The following FRY variants were observed in gnomAD, a reference collection of about 807,000 sequenced individuals.
FRY encodes the protein FRY microtubule binding protein, also known as protein furry homolog.
FRY carries 128 observed loss-of-function variants against 348.4 expected under a neutral mutation model. The ratio of observed to expected loss-of-function variants is 0.37; its 90% CI spans 0.32 to 0.43. The LOEUF is 0.43. FRY is among the 20% of genes least tolerant of loss of function. FRY has a pLI of 1.00. For missense variants in FRY, 2,736 were observed against 3,695.2 expected, an observed-to-expected ratio of 0.74 and a Z score of 6.73; for synonymous variants, 1,370 against 1,374.7, an observed-to-expected ratio of 1.00 and a Z score of 0.08.
At chr13:32,080,657 CAGGG>C (rs1875420498) in intron 2 of FRY, among the ~76,000 whole-genome samples, 1 of 152,216 alleles carries the variant, frequency 6.6e-6, no homozygotes, top group Admixed American at 6.5e-5. Flanking sequence ...TTGCCCAGAA[CAGGG>C]CTGACCCTTG....
At chr13:32,188,030 T>C (rs936706814) in intron 28 of FRY, among the ~76,000 whole-genome samples, 7 of 152,132 alleles carry the variant, frequency 4.6e-5, no homozygotes. Context: ...CTGGAAAATA[T>C]TTTTAACTGA....
chr13:32,269,594 A>C (rs1888106874), intron 55 of FRY, among the ~76,000 whole-genome samples: 1 of 152,136 alleles, frequency 6.6e-6, no homozygotes. Context: ...CGGGAGGCTG[A>C]GGCAGGAGAA....
chr13:32,258,965 G>A (rs1887481555), intron 51 of FRY, among the ~76,000 whole-genome samples: 1 of 151,886 alleles, frequency 6.6e-6, no homozygotes, highest in African/African-American at 2.4e-5. Context: ...GTTCCAATAT[G>A]AAAAAAAGTG....
intron 23 of FRY, 137 bp downstream of exon 23, chr13:32,179,936 C>T (rs1048199417): frequency 7.2e-6 from 6 of 830,928 alleles, no homozygotes; most frequent in Admixed American, 3.6e-5. Flanking sequence ...CCCACTACAT[C>T]GTCTTGGTTG....
intron 35 of FRY, among the ~76,000 whole-genome samples, chr13:32,215,965 C>T (rs1884968583): frequency 6.6e-6 from 1 of 152,172 alleles, no homozygotes; most frequent in Non-Finnish European, 1.5e-5. Context: ...TAGTAAACCT[C>T]ACCTGTATAA....
intron 50 of FRY, among the ~76,000 whole-genome samples, chr13:32,253,078 T>G (rs1887164956): frequency 6.6e-6 from 1 of 152,212 alleles, no homozygotes; most frequent in Non-Finnish European, 1.5e-5. Flanking sequence ...TGCTAAGGCC[T>G]TTTCAGCTAA....
chr13:32,088,515 C>A (rs948458341), intron 2 of FRY, among the ~76,000 whole-genome samples: 1 of 152,164 alleles, frequency 6.6e-6, no homozygotes, highest in African/African-American at 2.4e-5. Context: ...TAAAAAGATT[C>A]AATTTAACTG....
chr13:32,083,815 C>G (rs778920213), intron 2 of FRY, among the ~76,000 whole-genome samples: 9 of 152,044 alleles, frequency 5.9e-5, no homozygotes, highest in Non-Finnish European at 1.2e-4. Context: ...TTTCTCTAGT[C>G]CATTGTTTAG....
At position 32,171,246 on chromosome 13, in the gene FRY, A is replaced by G; in HGVS notation, c.2127A>G (p.Gln709=). 6.2e-7 allele frequency: 1 copy of G among 1,613,264 alleles called. No homozygotes were observed. The highest frequency in any genetic ancestry group is 8.5e-7 in the Non-Finnish European group (1 of 1,179,702). Residue 709 remains glutamine (Q), a synonymous_variant, in exon 18 of 61, where the codon CAA becomes CAG. Coordinates refer to ENST00000542859, the MANE Select transcript of FRY (RefSeq NM_023037.3). ...VIQTQGKVYE[Q]ANKIRNSELI... ...AGACACAAGGAAAAGTCTATGAACA[A>G]GCCAACAAAATCAGAAATTCAGAGG...
chr13:32,236,920 G>GAA (rs1462780889), intron 43 of FRY, among the ~76,000 whole-genome samples: 2 of 152,048 alleles, frequency 1.3e-5, no homozygotes, highest in African/African-American at 2.4e-5. Flanking sequence ...CATAGACTTA[G>GAA]AAATAATTTT....
chr13:32,071,618 G>A (rs941738485), intron 1 of FRY, among the ~76,000 whole-genome samples: 1 of 152,190 alleles, frequency 6.6e-6, no homozygotes. Flanking sequence ...TTTGGGCTGA[G>A]ATGATGGGGT....
chr13:32,047,639 C>CG (rs1391091713), intron 1 of FRY, among the ~76,000 whole-genome samples: 1 of 149,894 alleles, frequency 6.7e-6, no homozygotes, highest in Non-Finnish European at 1.5e-5. Flanking sequence ...AGCATGATCT[C>CG]GCCTCACTGC....
In FRY at chr13:32,178,452, G is replaced by A. The variant is rs1442918548; in HGVS notation, c.2681+16G>A. The A allele has an allele frequency of 1.2e-6, 2 of 1,613,626 alleles. No individual in the cohort carries two copies. Among genetic ancestry groups the A allele is most frequent in the African/African-American group, 2.7e-5 (2 of 74,882 alleles). ...TGGACCCAAAGTAAGGGATTCTTGTGTTTTCCTCTGCCCTCTTGTTTTTCC... is the reference window on the plus strand; with the variant it reads ...TGGACCCAAAGTAAGGGATTCTTGTATTTTCCTCTGCCCTCTTGTTTTTCC... On this transcript the variant is annotated intron_variant, in intron 21 of 60. Transcript: ENST00000542859.
chr13:32,245,857 G>A (rs1301139106), intron 47 of FRY, among the ~76,000 whole-genome samples: 1 of 152,130 alleles, frequency 6.6e-6, no homozygotes, highest in Non-Finnish European at 1.5e-5. Context: ...GGATTCAAGG[G>A]CAAATGCTAG....
In FRY at chr13:32,078,982, C is replaced by T. The variant is rs767594583; in HGVS notation, c.219C>T (p.Asn73=). 2 of 1,613,886 alleles carry T rather than the reference C, an allele frequency of 1.2e-6. No homozygotes were observed. The highest frequency in any genetic ancestry group is 8.5e-7 in the Non-Finnish European group (1 of 1,179,894). ...ATGTCCTCAAAAGTTTATTTGTCAA[C>T]TTCACCACTCAGGCTGAACGCAAGA... ...GEYVLKSLFV[N]FTTQAERKIR... The change falls in exon 2 of 61, where the codon AAC becomes AAT. Residue 73 remains asparagine (N), a synonymous_variant. Coordinates refer to ENST00000542859, the MANE Select transcript of FRY (RefSeq NM_023037.3).
At chr13:32,160,450 A>G (rs758935099) in intron 16 of FRY, among the ~76,000 whole-genome samples, 1 of 152,238 alleles carries the variant, frequency 6.6e-6, no homozygotes, top group African/African-American at 2.4e-5. Context: ...AAAAATTGAA[A>G]TAACACAAAA....
intron 14 of FRY, among the ~76,000 whole-genome samples, chr13:32,151,070 G>C (rs1299512534): frequency 6.6e-6 from 1 of 152,172 alleles, no homozygotes; most frequent in Non-Finnish European, 1.5e-5. Flanking sequence ...GCCTTCTCTT[G>C]CTGGGAAGGT....
chr13:32,240,943 G>A (rs182126866), intron 46 of FRY, among the ~76,000 whole-genome samples: 7 of 152,304 alleles, frequency 4.6e-5, no homozygotes, highest in African/African-American at 7.2e-5. Context: ...ATAGTTGATC[G>A]TGCAGGATTT....
At chr13:32,159,009 T>C (rs1341301602) in intron 16 of FRY, among the ~76,000 whole-genome samples, 1 of 113,348 alleles carries the variant, frequency 8.8e-6, no homozygotes, top group African/African-American at 3.3e-5. Context: ...TCGTAATCAA[T>C]AGGCATCATA....
Sources: allele counts gnomAD v4.1 joint callset (sites outside exome capture counted in the v4.1 genomes callset), GRCh38; gene constraint gnomAD v4.1.1; transcripts MANE v1.5; gene names NCBI Gene and HGNC (gene_info 2026-07-23, HGNC 2026-07-21).